The following KSR2 variants were observed in gnomAD, a reference collection of about 807,000 sequenced individuals.
KSR2 encodes the protein kinase suppressor of ras 2.
KSR2 carries 25 observed loss-of-function variants against 107.8 expected under a neutral mutation model. The ratio of observed to expected loss-of-function variants is 0.23; its 90% CI spans 0.17 to 0.32. The LOEUF is 0.32. Ranked by LOEUF, KSR2 falls within the 10% of genes least tolerant of loss-of-function variation. The probability of loss-of-function intolerance (pLI) is 1.00; values close to 1 mark genes in which losing one functional copy is unlikely to be tolerated. For missense variants in KSR2, 887 were observed against 1,268.9 expected (o/e 0.70, Z 4.57); for synonymous variants, 480 against 507.0 (o/e 0.95, Z 0.71).
chr12:117,486,554 CT>C (rs1421242949), intron 14 of KSR2, among the ~76,000 whole-genome samples: 4 of 152,206 alleles, frequency 2.6e-5, no homozygotes, highest in Admixed American at 2.6e-4. Context: ...AATTTTCCAT[CT>C]ACATCAAAAT....
chr12:117,767,742 A>ATG (rs1889291685), intron 3 of KSR2, among the ~76,000 whole-genome samples: 1 of 140,344 alleles, frequency 7.1e-6, no homozygotes, highest in African/African-American at 2.7e-5. Flanking sequence ...CCGAGATCGC[A>ATG]CCATTGCACT....
chr12:117,906,755 C>A (rs1450374436), intron 1 of KSR2, among the ~76,000 whole-genome samples: 1 of 152,138 alleles, frequency 6.6e-6, no homozygotes, highest in East Asian at 1.9e-4. Flanking sequence ...TGTTAAAATA[C>A]ACATCACTGG....
At chr12:117,920,392 G>A (rs1895305121) in intron 1 of KSR2, among the ~76,000 whole-genome samples, 2 of 129,256 alleles carry the variant, frequency 1.5e-5, no homozygotes, top group Admixed American at 8.0e-5. Context: ...GAACCACTGT[G>A]GTCTTTTTTT....
chr12:117,883,588 G>A (rs1191632602), intron 1 of KSR2, among the ~76,000 whole-genome samples: 1 of 152,200 alleles, frequency 6.6e-6, no homozygotes, highest in Non-Finnish European at 1.5e-5. Flanking sequence ...AGGGGATCAG[G>A]CAGCCAGGCA....
intron 3 of KSR2, among the ~76,000 whole-genome samples, chr12:117,841,476 G>A (rs1892474515): frequency 6.6e-6 from 1 of 152,176 alleles, no homozygotes; most frequent in Admixed American, 6.5e-5. Flanking sequence ...GCTAAAACAA[G>A]ATCACCTGCA....
chr12:117,586,635 A>AAGAAAGAAAGAAAGAG (rs1880016561), intron 5 of KSR2, among the ~76,000 whole-genome samples: 1 of 150,946 alleles, frequency 6.6e-6, no homozygotes, highest in Non-Finnish European at 1.5e-5. Flanking sequence ...AAGAAAAAGA[A>AAGAAAGAAAGAAAGAG]AGAAAGAAAG....
In KSR2 at chr12:117,469,528, A is replaced by C. The variant is rs1871314677; in HGVS notation, c.2846+134T>G. Reference sequence around the variant, plus strand: ...ATTGAACAGAAACCTAGTAGGGAAGAGTGGTTGCCGAAGGGTGGGCACATG... The same window carrying C: ...ATTGAACAGAAACCTAGTAGGGAAGCGTGGTTGCCGAAGGGTGGGCACATG... On this transcript the variant is annotated intron_variant, in intron 19 of 19. Coordinates refer to ENST00000339824, the MANE Select transcript of KSR2 (RefSeq NM_173598.6). 8 of 988,440 alleles carry C rather than the reference A, an allele frequency of 8.1e-6. No individual in the cohort carries two copies. In the Admixed American group the frequency reaches 1.9e-4, roughly 23 times the overall value. 61.2% of individuals were successfully genotyped at this position (988,440 alleles called of 1,614,324 possible).
Position 117,456,974 on chromosome 12 carries a change from G to C in KSR2, c.*10225C>G, listed in dbSNP as rs1197613842. The C allele has an allele frequency of 2.0e-5, 3 of 152,218 alleles. No individual in the cohort carries two copies. The highest frequency in any genetic ancestry group is 1.3e-4 in the Admixed American group (2 of 15,288). 9.4% of individuals were successfully genotyped at this position (152,218 alleles called of 1,614,324 possible). A position where few individuals can be genotyped will look rare whatever the true frequency, so the allele number is the denominator to read the frequency against. On this transcript the variant is annotated 3_prime_UTR_variant, in exon 20 of 20. Transcript: ENST00000339824. Reference sequence around the variant, plus strand: ...TATCTGGGAGACTTTCCTTCCTGGGGAATACAGAAGGGCTTTCCCTGAGTA... The same window carrying C: ...TATCTGGGAGACTTTCCTTCCTGGGCAATACAGAAGGGCTTTCCCTGAGTA...
At chr12:117,710,753 A>G (rs929213554) in intron 4 of KSR2, among the ~76,000 whole-genome samples, 3 of 152,206 alleles carry the variant, frequency 2.0e-5, no homozygotes, top group African/African-American at 7.2e-5. Flanking sequence ...ATAAACGGTC[A>G]GTACTATCAT....
intron 19 of KSR2, among the ~76,000 whole-genome samples, chr12:117,467,488 T>C (rs1871208459): frequency 6.6e-6 from 1 of 152,242 alleles, no homozygotes; most frequent in Non-Finnish European, 1.5e-5. Context: ...GACAGAATCA[T>C]ACAATTTCAC....
intron 1 of KSR2, among the ~76,000 whole-genome samples, chr12:117,919,163 A>C (rs1279575202): frequency 6.6e-6 from 1 of 152,164 alleles, no homozygotes; most frequent in Non-Finnish European, 1.5e-5. Flanking sequence ...ATAAACAAAC[A>C]AACCTTTTCT....
At chr12:117,569,825 T>C (rs1007276405) in intron 7 of KSR2, among the ~76,000 whole-genome samples, 4 of 152,116 alleles carry the variant, frequency 2.6e-5, no homozygotes, top group African/African-American at 9.7e-5. Context: ...CTGAAATATA[T>C]ATAAGGATTC....
intron 4 of KSR2, among the ~76,000 whole-genome samples, chr12:117,714,874 C>T (rs1886919845): frequency 6.6e-6 from 1 of 152,172 alleles, no homozygotes; most frequent in Non-Finnish European, 1.5e-5. Context: ...TATGCAGCCC[C>T]AAATCTCAGC....
Position 117,574,414 on chromosome 12 carries a change from A to G in KSR2, c.1325+4705T>C, listed in dbSNP as rs142644229. 7.9e-3 allele frequency among the ~76,000 whole-genome samples: 1,210 copies of G among 152,322 alleles called. 21 individuals are homozygous for G. Among genetic ancestry groups the G allele is most frequent in the African/African-American group, 0.028 (1,154 of 41,572 alleles). ...CCCTGAGACTGGGTAATTTATAAAG[A>G]AAAAGAAGTTTAACGGACTCACAGT... On this transcript the variant is annotated intron_variant, in intron 7 of 19. Coordinates refer to ENST00000339824, the MANE Select transcript of KSR2 (RefSeq NM_173598.6).
intron 1 of KSR2, among the ~76,000 whole-genome samples, chr12:117,966,662 TTCTC>T (rs990912314): frequency 4.4e-4 from 55 of 126,150 alleles, no homozygotes; most frequent in African/African-American, 1.5e-3. Context: ...GTCTCTCTCT[TTCTC>T]TCTCTCCCTC....
chr12:117,885,956 C>T (rs956396187), intron 1 of KSR2, among the ~76,000 whole-genome samples: 22 of 151,912 alleles, frequency 1.4e-4, no homozygotes, highest in African/African-American at 4.8e-4. Flanking sequence ...AATTAGCCAA[C>T]GGGGTGGCGG....
chr12:117,965,191 G>A (rs1386502251), intron 1 of KSR2, among the ~76,000 whole-genome samples: 1 of 152,170 alleles, frequency 6.6e-6, no homozygotes, highest in Non-Finnish European at 1.5e-5. Context: ...TTCCTACCTT[G>A]AACTCAGATG....
intron 1 of KSR2, among the ~76,000 whole-genome samples, chr12:117,900,964 A>G (rs1337838874): frequency 6.6e-6 from 1 of 152,218 alleles, no homozygotes; most frequent in African/African-American, 2.4e-5. Flanking sequence ...CATTAAGACC[A>G]AAACACGGTT....
At chr12:117,479,171 T>A (rs1871992211) in intron 16 of KSR2, among the ~76,000 whole-genome samples, 1 of 152,156 alleles carries the variant, frequency 6.6e-6, no homozygotes, top group Admixed American at 6.5e-5. Context: ...GAAGGTAGCA[T>A]CCATTTGGAT....
Sources: allele counts gnomAD v4.1 joint callset (sites outside exome capture counted in the v4.1 genomes callset), GRCh38; gene constraint gnomAD v4.1.1; transcripts MANE v1.5; gene names NCBI Gene and HGNC (gene_info 2026-07-23, HGNC 2026-07-21).